Variants in ZNF385D observed in about 807,000 individuals in gnomAD.
ZNF385D encodes the protein zinc finger protein 385D.
ZNF385D carries 15 observed loss-of-function variants against 35.8 expected under a neutral mutation model. The observed-to-expected ratio is 0.42, with a 90% confidence interval of 0.28 to 0.64. ZNF385D has a LOEUF of 0.64. ZNF385D is among the 30% of genes least tolerant of loss of function. ZNF385D has a pLI of 0.23. For missense variants in ZNF385D, 474 were observed against 494.6 expected (o/e 0.96, Z 0.39); for synonymous variants, 212 against 186.8 (o/e 1.13, Z -1.10).
At chr3:22,233,146 T>A (rs1449613325) in intron 2 of ZNF385D, among the ~76,000 whole-genome samples, 1 of 151,886 alleles carries the variant, frequency 6.6e-6, no homozygotes. Context: ...CACCTTCAGA[T>A]TTTTTCTATC....
At chr3:22,098,485 T>C (rs921733661) in intron 3 of ZNF385D, among the ~76,000 whole-genome samples, 5 of 152,092 alleles carry the variant, frequency 3.3e-5, no homozygotes, top group African/African-American at 1.2e-4. Context: ...ATGTGGATAA[T>C]TAGAAATTGA....
intron 2 of ZNF385D, among the ~76,000 whole-genome samples, chr3:21,609,779 T>C (rs1170586087): frequency 6.6e-6 from 1 of 152,126 alleles, no homozygotes; most frequent in African/African-American, 2.4e-5. Context: ...GTCTTGGAAC[T>C]GTTAATATAT....
At chr3:21,904,142 A>T (rs1699552597) in intron 3 of ZNF385D, among the ~76,000 whole-genome samples, 1 of 151,862 alleles carries the variant, frequency 6.6e-6, no homozygotes, top group African/African-American at 2.4e-5. Flanking sequence ...CATCTCTACT[A>T]AAAACACAAA....
At chr3:21,679,885 A>T (rs1428126752) in intron 1 of ZNF385D, among the ~76,000 whole-genome samples, 4 of 151,948 alleles carry the variant, frequency 2.6e-5, no homozygotes, top group Non-Finnish European at 5.9e-5. Flanking sequence ...AAATGATCTC[A>T]TGGTAACCCA....
chr3:21,980,379 A>T (rs964691182), intron 3 of ZNF385D, among the ~76,000 whole-genome samples: 1 of 152,158 alleles, frequency 6.6e-6, no homozygotes, highest in Non-Finnish European at 1.5e-5. Context: ...TTAAGCCACT[A>T]AATTTTGGGG....
chr3:21,514,810 G>A lies in ZNF385D; in HGVS notation c.277-3787C>T, dbSNP rs116413094. 4.6e-3 allele frequency among the ~76,000 whole-genome samples: 697 copies of A among 151,968 alleles called. 6 individuals are homozygous for A. The highest frequency in any genetic ancestry group is 0.015 in the African/African-American group (639 of 41,448). On this transcript the variant is annotated intron_variant, in intron 3 of 7. Transcript: ENST00000281523. Reference sequence around the variant, plus strand: ...ATTGTTCTTTGCTCAATTAAACTCCGCTAAATTTAATTTGTCTATAGTTTT... The same window carrying A: ...ATTGTTCTTTGCTCAATTAAACTCCACTAAATTTAATTTGTCTATAGTTTT...
At chr3:21,935,277 A>G (rs145275915) in intron 3 of ZNF385D, among the ~76,000 whole-genome samples, 5 of 152,292 alleles carry the variant, frequency 3.3e-5, no homozygotes, top group African/African-American at 1.2e-4. Flanking sequence ...ACATCATTTC[A>G]ATAAAACAGA....
intron 3 of ZNF385D, among the ~76,000 whole-genome samples, chr3:21,884,815 T>A (rs769295928): frequency 2.6e-5 from 4 of 152,032 alleles, no homozygotes; most frequent in Non-Finnish European, 5.9e-5. Context: ...ACGGTGGAAA[T>A]TGGCAAACAT....
chr3:21,959,451 C>T (rs1702465609), intron 3 of ZNF385D, among the ~76,000 whole-genome samples: 1 of 152,082 alleles, frequency 6.6e-6, no homozygotes, highest in South Asian at 2.1e-4. Flanking sequence ...AGTCAAAAAT[C>T]CAATCTCTAT....
At chr3:22,103,271 G>C (rs930423591) in intron 3 of ZNF385D, among the ~76,000 whole-genome samples, 1 of 151,296 alleles carries the variant, frequency 6.6e-6, no homozygotes, top group African/African-American at 2.4e-5. Flanking sequence ...TTTCTTGAGG[G>C]CAAGGGCCAT....
At chr3:22,101,805 G>A (rs1439958254) in intron 3 of ZNF385D, among the ~76,000 whole-genome samples, 1 of 151,898 alleles carries the variant, frequency 6.6e-6, no homozygotes, top group East Asian at 1.9e-4. Flanking sequence ...ATACTTCTTG[G>A]AAATCTTAGA....
intron 1 of ZNF385D, among the ~76,000 whole-genome samples, chr3:21,745,223 T>C (rs773538443): frequency 3.9e-5 from 6 of 152,194 alleles, no homozygotes; most frequent in Non-Finnish European, 7.4e-5. Flanking sequence ...TTGGCCAGGT[T>C]ACTTTTCTTT....
At chr3:22,234,298 G>A (rs1699055713) in intron 2 of ZNF385D, among the ~76,000 whole-genome samples, 1 of 152,048 alleles carries the variant, frequency 6.6e-6, no homozygotes, top group East Asian at 1.9e-4. Flanking sequence ...TAAATGCAAT[G>A]TGGTGATTGC....
chr3:21,884,447 T>C (rs1270490698), intron 3 of ZNF385D, among the ~76,000 whole-genome samples: 1 of 152,022 alleles, frequency 6.6e-6, no homozygotes, highest in Non-Finnish European at 1.5e-5. Flanking sequence ...AACTCTGCTA[T>C]TAAGTTGGTT....
intron 4 of ZNF385D, among the ~76,000 whole-genome samples, chr3:21,445,467 T>C (rs1207220344): frequency 6.6e-6 from 1 of 152,202 alleles, no homozygotes; most frequent in Non-Finnish European, 1.5e-5. Flanking sequence ...CCCTCTTTCT[T>C]TTCTTTAGCA....
chr3:21,719,039 T>C (rs1396997142), intron 1 of ZNF385D, among the ~76,000 whole-genome samples: 4 of 152,226 alleles, frequency 2.6e-5, no homozygotes, highest in African/African-American at 9.6e-5. Flanking sequence ...CTAATTTTCC[T>C]TGTAGTAGCT....
chr3:21,824,213 T>C (rs572303667), intron 3 of ZNF385D, among the ~76,000 whole-genome samples: 1 of 152,284 alleles, frequency 6.6e-6, no homozygotes, highest in South Asian at 2.1e-4. Context: ...AGCAAAACAG[T>C]GAAGGCCTGC....
chr3:22,081,919 T>A lies in ZNF385D; in HGVS notation c.325+86898A>T, dbSNP rs117741562. Among the ~76,000 whole-genome samples, 18 of 152,170 alleles carry A rather than the reference T, an allele frequency of 1.2e-4. No homozygotes were observed. The East Asian group carries it at 1.4e-3, about 11-fold the overall frequency. ...TAGCTAACACAGTGATCTTATCACC[T>A]CTTAAAGCTATTGCTTCCCTCTCCC... On this transcript the variant is annotated intron_variant, in intron 3 of 5. Transcript: ENST00000494108.
At chr3:21,576,649 C>G (rs185013037) in intron 2 of ZNF385D, among the ~76,000 whole-genome samples, 37 of 152,296 alleles carry the variant, frequency 2.4e-4, no homozygotes, top group Admixed American at 2.3e-3. Flanking sequence ...GACTGTGTTT[C>G]ACCCATGCTC....
Sources: allele counts gnomAD v4.1 joint callset (sites outside exome capture counted in the v4.1 genomes callset), GRCh38; gene constraint gnomAD v4.1.1; transcripts MANE v1.5; gene names NCBI Gene and HGNC (gene_info 2026-07-23, HGNC 2026-07-21).